ZSCAN25: variants seen among roughly 807,000 people sequenced by gnomAD.
The protein encoded by ZSCAN25 is zinc finger and SCAN domain containing 25, also known as zinc finger and SCAN domain-containing protein 25.
In ZSCAN25, 27 loss-of-function variants were observed where a neutral mutation model predicts 38.7. The observed-to-expected ratio is 0.70, with a 90% CI of 0.51 to 0.96. The LOEUF (loss-of-function observed/expected upper bound fraction) is 0.96. Ranked by LOEUF, ZSCAN25 falls within the 40% of genes least tolerant of loss-of-function variation. ZSCAN25 has a pLI of 0.00. For synonymous variants in ZSCAN25, 273 were observed against 277.7 expected, an observed-to-expected ratio of 0.98 and a Z score of 0.17; for missense variants, 637 against 705.9, an observed-to-expected ratio of 0.90 and a Z score of 1.11.
At chr7:99,624,542 A>G (rs915304683) in intron 7 of ZSCAN25, 78 of 243,222 alleles carry the variant, frequency 3.2e-4, no homozygotes, top group Non-Finnish European at 3.7e-4. Flanking sequence ...TGCTCCCTGC[A>G]TGTGGGCCCT....
At chr7:99,641,294 A>T in the ZSCAN25 span, among the ~76,000 whole-genome samples, 1 of 152,302 alleles carries the variant, frequency 6.6e-6, no homozygotes, top group South Asian at 2.1e-4. Flanking sequence ...GAAGTGCTGA[A>T]CAAAGGGGGA....
the ZSCAN25 span, chr7:99,662,955 C>T: frequency 2.5e-6 from 4 of 1,593,486 alleles, no homozygotes; most frequent in East Asian, 2.3e-5. The surrounding 1 kb of genome is among the most constrained non-coding windows in gnomAD (Gnocchi z 4.3). Flanking sequence ...AAGTGCAGTC[C>T]TCAACCTCCC....
chr7:99,724,767 C>A, the ZSCAN25 span, among the ~76,000 whole-genome samples: 695 of 152,284 alleles, frequency 4.6e-3, 3 homozygotes, highest in African/African-American at 0.016. Flanking sequence ...GGTACATGTG[C>A]CTTTTTCTCT....
chr7:99,705,714 T>G, the ZSCAN25 span: 19 of 1,249,754 alleles, frequency 1.5e-5, no homozygotes, highest in Non-Finnish European at 2.1e-5. Context: ...AAAACTACTT[T>G]CAGCACTATA....
the ZSCAN25 span, chr7:99,715,343 C>T: frequency 1.7e-5 from 4 of 232,120 alleles, no homozygotes; most frequent in Non-Finnish European, 2.5e-5. Flanking sequence ...TACATTCATG[C>T]CACAACACAG....
the ZSCAN25 span, chr7:99,665,084 G>T: frequency 8.5e-7 from 1 of 1,180,256 alleles, no homozygotes; most frequent in Non-Finnish European, 1.2e-6. Flanking sequence ...CCTTTTAAGT[G>T]GATGAATTAT....
chr7:99,715,577 G>T, the ZSCAN25 span: 1 of 1,099,180 alleles, frequency 9.1e-7, no homozygotes, highest in Non-Finnish European at 1.3e-6. Context: ...CATGTATGAG[G>T]TTTCTAGAAT....
chr7:99,665,033 T>G, the ZSCAN25 span: 6 of 869,414 alleles, frequency 6.9e-6, no homozygotes, highest in East Asian at 1.6e-4. Context: ...ATAGTAATGG[T>G]CATACATATT....
At chr7:99,682,507 A>C in the ZSCAN25 span, among the ~76,000 whole-genome samples, 13 of 152,364 alleles carry the variant, frequency 8.5e-5, no homozygotes, top group African/African-American at 3.1e-4. Flanking sequence ...TACAAGTACC[A>C]TACTGTTTTG....
At chr7:99,708,420 C>CT in the ZSCAN25 span, among the ~76,000 whole-genome samples, 10 of 152,174 alleles carry the variant, frequency 6.6e-5, no homozygotes, top group East Asian at 1.9e-3. Context: ...CCTCTCGTCT[C>CT]TTGTTTTTCT....
At chr7:99,670,605 T>C in the ZSCAN25 span, among the ~76,000 whole-genome samples, 10 of 152,246 alleles carry the variant, frequency 6.6e-5, no homozygotes, top group Admixed American at 1.3e-4. Flanking sequence ...CAATCTGATG[T>C]TCAACTTATA....
At chr7:99,645,511 G>T in the ZSCAN25 span, among the ~76,000 whole-genome samples, 1 of 152,064 alleles carries the variant, frequency 6.6e-6, no homozygotes, top group African/African-American at 2.4e-5. Flanking sequence ...TCTGTCTTTA[G>T]ATCTTTGAGG....
Position 99,619,596 on chromosome 7 carries a change from G to A in ZSCAN25, c.-11G>A. Reference sequence around the variant, plus strand: ...GCAGTCATTCTCAGTCTCCTCGGAGGGAGTCTGAAGATGCTTAAAGAGCAT... The same window carrying A: ...GCAGTCATTCTCAGTCTCCTCGGAGAGAGTCTGAAGATGCTTAAAGAGCAT... On this transcript the variant is annotated 5_prime_UTR_variant, in exon 4 of 8. Transcript: ENST00000394152. 1.2e-6 allele frequency: 2 copies of A among 1,606,206 alleles called. No homozygotes were observed. Among genetic ancestry groups the A allele is most frequent in the South Asian group, 1.1e-5 (1 of 90,432 alleles).
At chr7:99,672,963 G>T in the ZSCAN25 span, 2 of 1,121,440 alleles carry the variant, frequency 1.8e-6, no homozygotes, top group Non-Finnish European at 2.2e-6. Flanking sequence ...AGAAATGACA[G>T]TAGAGCATTC....
chr7:99,689,466 G>C, the ZSCAN25 span, among the ~76,000 whole-genome samples: 1 of 152,168 alleles, frequency 6.6e-6, no homozygotes, highest in Non-Finnish European at 1.5e-5. Flanking sequence ...GACTAAACCA[G>C]GAAGAAGTTG....
chr7:99,733,715 A>G, the ZSCAN25 span, among the ~76,000 whole-genome samples: 2 of 152,048 alleles, frequency 1.3e-5, no homozygotes, highest in South Asian at 4.1e-4. Context: ...ATGAATATCT[A>G]TTTGGAGTTC....
At chr7:99,624,569 C>T (rs1438846329) in intron 7 of ZSCAN25, 2 of 212,940 alleles carry the variant, frequency 9.4e-6, no homozygotes, top group Admixed American at 5.0e-5. Flanking sequence ...GTGGTTTTCT[C>T]TTGCGGCAGG....
At chr7:99,665,281 A>G in the ZSCAN25 span, 1 of 1,614,198 alleles carries the variant, frequency 6.2e-7, no homozygotes, top group African/African-American at 1.3e-5. Context: ...ATGATGTGCC[A>G]GTAATCACAT....
At chr7:99,623,561 C>T (rs1055379527) in intron 6 of ZSCAN25, among the ~76,000 whole-genome samples, 13 of 152,192 alleles carry the variant, frequency 8.5e-5, no homozygotes, top group African/African-American at 1.7e-4. Context: ...CTGCTCAAGC[C>T]GTATTTGGGC....
Sources: gnomAD v4.1 joint callset for allele counts (sites outside exome capture counted in the v4.1 genomes callset) on GRCh38, gnomAD v4.1.1 for gene constraint, Gnocchi (gnomAD v3.1) non-coding constraint, MANE v1.5 for transcripts, NCBI Gene and HGNC (gene_info 2026-07-23, HGNC 2026-07-21) for gene names.